The following PLCB1 variants were observed in gnomAD, a reference collection of about 807,000 sequenced individuals.
The protein encoded by PLCB1 is phospholipase C beta 1.
In PLCB1, 46 loss-of-function variants were observed where a neutral mutation model predicts 161.8. That is an observed-to-expected ratio of 0.28 (90% CI 0.22 to 0.36). The LOEUF is 0.36. Among genes scored for constraint, PLCB1 ranks in the 10% least tolerant of loss-of-function variants. PLCB1 has a pLI of 1.00. For synonymous variants in PLCB1, 517 were observed against 503.7 expected (o/e 1.03, Z -0.35); for missense variants, 1,016 against 1,472.5 (o/e 0.69, Z 5.07).
At chr20:8,190,681 A>G (rs2051960068) in intron 2 of PLCB1, among the ~76,000 whole-genome samples, 4 of 152,228 alleles carry the variant, frequency 2.6e-5, no homozygotes, top group Admixed American at 1.3e-4. Context: ...GGCCCAAGCC[A>G]CTTGCTAGTG....
In PLCB1 at chr20:8,495,388, C is replaced by CTTTTTTTTTTT. The variant is rs869173548; in HGVS notation, c.246+123955_246+123965dup. Among the ~76,000 whole-genome samples, 57 of 94,356 alleles carry CTTTTTTTTTTT rather than the reference C, an allele frequency of 6.0e-4. 1 individual carries two copies. Among genetic ancestry groups the CTTTTTTTTTTT allele is most frequent in the African/African-American group, 2.4e-3 (54 of 22,218 alleles). The allele number at this position is 94,356 out of a possible 152,430, so 61.9% of individuals were successfully genotyped here. On this transcript the variant is annotated intron_variant, in intron 3 of 31. Coordinates refer to ENST00000338037, the MANE Select transcript of PLCB1 (RefSeq NM_015192.4). ...TGTGGACTTTGCCTTACCTTCCTTTCTTTTTTTTTTTTTTTTTTTTTTTTT... is the reference window on the plus strand; with the variant it reads ...TGTGGACTTTGCCTTACCTTCCTTTCTTTTTTTTTTTTTTTTTTTTTTTTTTTTTTTTTTTT...
intron 3 of PLCB1, among the ~76,000 whole-genome samples, chr20:8,453,810 C>T (rs1163384371): frequency 6.6e-6 from 1 of 152,186 alleles, no homozygotes; most frequent in African/African-American, 2.4e-5. Context: ...TACAAAACCT[C>T]TGTTATGGAC....
intron 3 of PLCB1, among the ~76,000 whole-genome samples, chr20:8,458,561 C>A (rs914452864): frequency 6.6e-6 from 1 of 152,304 alleles, no homozygotes; most frequent in South Asian, 2.1e-4. Context: ...TTGCCCAGGC[C>A]TTCACTCTTA....
chr20:8,821,323 A>G (rs1189427354), intron 31 of PLCB1, among the ~76,000 whole-genome samples: 1 of 151,028 alleles, frequency 6.6e-6, no homozygotes, highest in South Asian at 2.1e-4. Flanking sequence ...TACTAAAAAT[A>G]TAAAAATTAG....
chr20:8,229,429 G>A (rs1209060981), intron 2 of PLCB1, among the ~76,000 whole-genome samples: 2 of 152,030 alleles, frequency 1.3e-5, no homozygotes, highest in Non-Finnish European at 2.9e-5. Flanking sequence ...AATTCAGGTA[G>A]CACTGATATA....
chr20:8,692,374 T>G (rs1465761040), intron 10 of PLCB1, among the ~76,000 whole-genome samples: 1 of 152,156 alleles, frequency 6.6e-6, no homozygotes, highest in East Asian at 1.9e-4. Context: ...TTGTTTTTGC[T>G]TTAGAGCACA....
At chr20:8,557,980 A>C (rs1034399547) in intron 3 of PLCB1, among the ~76,000 whole-genome samples, 1 of 151,956 alleles carries the variant, frequency 6.6e-6, no homozygotes, top group Non-Finnish European at 1.5e-5. Flanking sequence ...ACTTTAAATC[A>C]ACTCTTACAA....
intron 31 of PLCB1, among the ~76,000 whole-genome samples, chr20:8,823,806 T>C (rs1314355619): frequency 6.6e-6 from 1 of 152,210 alleles, no homozygotes; most frequent in Non-Finnish European, 1.5e-5. Context: ...GCCTCTACCA[T>C]CTCTTTCAGA....
intron 2 of PLCB1, among the ~76,000 whole-genome samples, chr20:8,225,498 C>T (rs968652143): frequency 1.3e-5 from 2 of 152,116 alleles, no homozygotes; most frequent in African/African-American, 4.8e-5. Context: ...TATTAGAATT[C>T]GAGATAATCT....
intron 3 of PLCB1, among the ~76,000 whole-genome samples, chr20:8,620,160 G>A (rs1390436320): frequency 6.6e-6 from 1 of 152,088 alleles, no homozygotes; most frequent in African/African-American, 2.4e-5. Flanking sequence ...TGTGTCACAT[G>A]TACATAAAGA....
intron 3 of PLCB1, among the ~76,000 whole-genome samples, chr20:8,549,641 C>T (rs768756501): frequency 2.2e-4 from 33 of 152,166 alleles, no homozygotes; most frequent in Non-Finnish European, 3.2e-4. Flanking sequence ...GTCACCCAGG[C>T]TGGAGTGCAG....
rs557613811 is a variant in PLCB1 at position 8,132,623 on chromosome 20, C to G, written c.-29C>G. 2 of 1,550,316 alleles carry G rather than the reference C, an allele frequency of 1.3e-6. No homozygotes were observed. Among genetic ancestry groups the G allele is most frequent in the Non-Finnish European group, 1.8e-6 (2 of 1,135,060 alleles). On this transcript the variant is annotated 5_prime_UTR_variant, in exon 1 of 32. Coordinates refer to ENST00000338037, the MANE Select transcript of PLCB1 (RefSeq NM_015192.4). This position sits in a 1 kb window ranked among gnomAD's most constrained non-coding sequence, Gnocchi z 5.2. ...GTCCCCAGTCCCTGCCGCGCTCGCC[C>G]GGGCCGCCCGGAGCCCAGATGAGCC...
At chr20:8,310,707 T>C (rs1984357787) in intron 2 of PLCB1, among the ~76,000 whole-genome samples, 1 of 152,168 alleles carries the variant, frequency 6.6e-6, no homozygotes, top group Non-Finnish European at 1.5e-5. Context: ...AGTTTTTCAG[T>C]CCTTGACCCC....
chr20:8,172,285 G>C (rs2051740550), intron 2 of PLCB1, among the ~76,000 whole-genome samples: 1 of 152,112 alleles, frequency 6.6e-6, no homozygotes. Flanking sequence ...TTTTACATAG[G>C]TACTCAAGAA....
At chr20:8,824,272 C>T (rs1161177797) in intron 31 of PLCB1, among the ~76,000 whole-genome samples, 1 of 152,090 alleles carries the variant, frequency 6.6e-6, no homozygotes, top group Non-Finnish European at 1.5e-5. Context: ...ACAAATATAT[C>T]TCTGGAAAGG....
At chr20:8,703,963 C>T (rs1343247623) in intron 11 of PLCB1, among the ~76,000 whole-genome samples, 3 of 152,084 alleles carry the variant, frequency 2.0e-5, no homozygotes, top group East Asian at 3.9e-4. Context: ...TCTCCTTGGC[C>T]GAAATACCAA....
At chr20:8,372,741 A>G (rs1986944210) in intron 3 of PLCB1, among the ~76,000 whole-genome samples, 1 of 152,224 alleles carries the variant, frequency 6.6e-6, no homozygotes, top group Non-Finnish European at 1.5e-5. Flanking sequence ...TCTTCCCCCA[A>G]CAACATTTCA....
At chr20:8,238,868 G>T (rs1294043001) in intron 2 of PLCB1, among the ~76,000 whole-genome samples, 1 of 150,492 alleles carries the variant, frequency 6.6e-6, no homozygotes, top group Admixed American at 6.7e-5. Context: ...TGGGTGGCTG[G>T]GGGGAAGACA....
At chr20:8,703,716 C>A (rs1978500053) in intron 11 of PLCB1, among the ~76,000 whole-genome samples, 2 of 152,042 alleles carry the variant, frequency 1.3e-5, no homozygotes, top group Non-Finnish European at 2.9e-5. Context: ...TCTAGGAACC[C>A]CAGTGGCCCA....
Sources: gnomAD v4.1 joint callset for allele counts (sites outside exome capture counted in the v4.1 genomes callset) on GRCh38, gnomAD v4.1.1 for gene constraint, Gnocchi (gnomAD v3.1) non-coding constraint, MANE v1.5 for transcripts, NCBI Gene and HGNC (gene_info 2026-07-23, HGNC 2026-07-21) for gene names.